Variants in IL2RA observed in about 807,000 individuals in gnomAD.
IL2RA encodes interleukin-2 receptor subunit alpha.
In IL2RA, 24 loss-of-function variants were observed where a neutral mutation model predicts 37.8. That is an observed-to-expected ratio of 0.63 (90% CI 0.46 to 0.89). The LOEUF (loss-of-function observed/expected upper bound fraction) is 0.89, where lower values mean the gene tolerates loss of function less well. Ranked by LOEUF, IL2RA falls within the 40% of genes least tolerant of loss-of-function variation. The probability of loss-of-function intolerance (pLI) is 0.00; values close to 1 mark genes in which losing one functional copy is unlikely to be tolerated. For missense variants in IL2RA, 319 were observed against 348.6 expected, an observed-to-expected ratio of 0.92 and a Z score of 0.68; for synonymous variants, 125 against 114.6, an observed-to-expected ratio of 1.09 and a Z score of -0.58.
rs2132839238 is a variant in IL2RA at position 6,011,761 on chromosome 10, A to T, written c.*1111T>A. 1 of 152,508 alleles carries T rather than the reference A, an allele frequency of 6.6e-6. No individual in the cohort carries two copies. Among genetic ancestry groups the T allele is most frequent in the Middle Eastern group, 3.4e-3 (1 of 298 alleles). 9.4% of individuals were successfully genotyped at this position (152,508 alleles called of 1,614,324 possible). On this transcript the variant is annotated 3_prime_UTR_variant, in exon 8 of 8. Coordinates refer to ENST00000379959, the MANE Select transcript of IL2RA (RefSeq NM_000417.3). The surrounding 1 kb of genome is among the most constrained non-coding windows in gnomAD (Gnocchi z 5.2). ...TTGCTATGCTGCCCAGGCTGGTCTC[A>T]AACTCCTGGCCTCAAGAGATGCTCC... is the stretch of plus-strand genomic sequence containing the variant.
chr10:6,053,935 G>A (rs747930391), intron 1 of IL2RA, among the ~76,000 whole-genome samples: 3 of 152,222 alleles, frequency 2.0e-5, no homozygotes, highest in South Asian at 2.1e-4. Context: ...GAAACGGGGG[G>A]ACATGGGCCA....
chr10:6,019,952 G>A lies in IL2RA; in HGVS notation c.584-11C>T, dbSNP rs750468923. ...GAGGCTTCTCTTCACCTGGGGGAGA[G>A]AGTAAGTGATGCTGGTGGAGCTAAA... is the stretch of plus-strand genomic sequence containing the variant. On this transcript the variant is annotated splice_polypyrimidine_tract_variant and intron_variant, in intron 4 of 7. Transcript: ENST00000379959. 7.3e-5 allele frequency: 117 copies of A among 1,612,062 alleles called. 1 individual carries two copies. In the Middle Eastern group the frequency reaches 1.2e-3, roughly 16 times the overall value.
intron 1 of IL2RA, among the ~76,000 whole-genome samples, chr10:6,037,976 C>T (rs912372948): frequency 3.3e-5 from 5 of 152,250 alleles, no homozygotes; most frequent in African/African-American, 1.2e-4. Flanking sequence ...GAAGTTTAGG[C>T]CGTATAGAAA....
At chr10:6,019,755 G>T in intron 5 of IL2RA, 115 bp downstream of exon 5, 2 of 978,484 alleles carry the variant, frequency 2.0e-6, no homozygotes, top group Non-Finnish European at 3.3e-6. Flanking sequence ...AGAGGAGGCT[G>T]CTGTGGGCTT....
chr10:6,039,856 T>C (rs1488921620), intron 1 of IL2RA: 2 of 152,256 alleles, frequency 1.3e-5, no homozygotes, highest in Non-Finnish European at 2.9e-5. Context: ...CCTCTTGACA[T>C]AGTACCCCTT....
rs1170856847 is a variant in IL2RA, at chr10:6,035,900, A to G, written c.65-9875T>C. The G allele has an allele frequency of 6.6e-6, 1 of 152,292 alleles. No individual in the cohort carries two copies. The highest frequency in any genetic ancestry group is 1.5e-5 in the Non-Finnish European group (1 of 68,098). The allele number at this position is 152,292 out of a possible 1,614,324, so 9.4% of individuals were successfully genotyped here. ...TCCATCATTGTGGCTGAAATACACG[A>G]TCATGGGTGTATCTTTCCTTGTGGA... is the stretch of plus-strand genomic sequence containing the variant. On this transcript the variant is annotated intron_variant, in intron 1 of 7. Transcript: ENST00000379959. This position sits in a 1 kb window ranked among gnomAD's most constrained non-coding sequence, Gnocchi z 5.4.
intron 7 of IL2RA, among the ~76,000 whole-genome samples, chr10:6,016,069 G>C (rs143745600): frequency 1.1e-4 from 16 of 152,312 alleles, no homozygotes; most frequent in Admixed American, 1.0e-3. Context: ...ACATCCCCCA[G>C]AGCTCAGGTG....
In IL2RA at chr10:6,035,283, TG is replaced by T. The variant is rs1334040777; in HGVS notation, c.65-9259del. Among the ~76,000 whole-genome samples, 3 of 152,186 alleles carry T rather than the reference TG, an allele frequency of 2.0e-5. No individual in the cohort carries two copies. Among genetic ancestry groups the T allele is most frequent in the Non-Finnish European group, 4.4e-5 (3 of 68,030 alleles). ...CCGCTAGGGGACTTTCTGTTTGCCC[TG>T]GGTCTCCCTGTGTGGGCAGGGATGG... On this transcript the variant is annotated intron_variant, in intron 1 of 7. Coordinates refer to ENST00000379959, the MANE Select transcript of IL2RA (RefSeq NM_000417.3). This position sits in a 1 kb window ranked among gnomAD's most constrained non-coding sequence, Gnocchi z 5.4.
In IL2RA at chr10:6,010,741, T is replaced by C. The variant is rs549245031; in HGVS notation, c.*2131A>G. The C allele has an allele frequency of 3.2e-4, 48 of 152,298 alleles. No homozygotes were observed. The highest frequency in any genetic ancestry group is 1.1e-3 in the African/African-American group (46 of 41,560). The allele number at this position is 152,298 out of a possible 1,614,324, so 9.4% of individuals were successfully genotyped here. ...ATAAACAATAGCAATAAATTTATTATATGTTAACAGCAGAGTGATGACATC... is the reference window on the plus strand; with the variant it reads ...ATAAACAATAGCAATAAATTTATTACATGTTAACAGCAGAGTGATGACATC... On this transcript the variant is annotated 3_prime_UTR_variant, in exon 8 of 8. Coordinates refer to ENST00000379959, the MANE Select transcript of IL2RA (RefSeq NM_000417.3).
rs1390485363 is a variant in IL2RA at position 6,044,368 on chromosome 10, G to C, written c.64+17720C>G. ...AGAGCAGGGCGACCACATAGGCAGAGAGTAGTAGGTCAGGGCAGTTTTGCA... is the reference window on the plus strand; with the variant it reads ...AGAGCAGGGCGACCACATAGGCAGACAGTAGTAGGTCAGGGCAGTTTTGCA... On this transcript the variant is annotated intron_variant, in intron 1 of 7. Transcript: ENST00000379959. This position sits in a 1 kb window ranked among gnomAD's most constrained non-coding sequence, Gnocchi z 4.5. Among the ~76,000 whole-genome samples, 2 of 152,244 alleles carry C rather than the reference G, an allele frequency of 1.3e-5. No individual in the cohort carries two copies. The highest frequency in any genetic ancestry group is 2.9e-5 in the Non-Finnish European group (2 of 68,042).
rs545571928 is a variant in IL2RA, at chr10:6,033,867, C to T, written c.65-7842G>A. On this transcript the variant is annotated intron_variant, in intron 1 of 7. Coordinates refer to ENST00000379959, the MANE Select transcript of IL2RA (RefSeq NM_000417.3). The surrounding 1 kb of genome is among the most constrained non-coding windows in gnomAD (Gnocchi z 4.3). ...TGTCAAAACTCATCAAATTGTATGC[C>T]GCAGATCTATGCATTTCTTTATAAG... Among the ~76,000 whole-genome samples the T allele has an allele frequency of 2.0e-5, 3 of 152,206 alleles. No homozygotes were observed. In the South Asian group the frequency reaches 6.2e-4, roughly 32 times the overall value.
At chr10:6,051,494 A>AAT (rs34016017) in intron 1 of IL2RA, among the ~76,000 whole-genome samples, 1 of 81,966 alleles carries the variant, frequency 1.2e-5, no homozygotes, top group African/African-American at 4.7e-5. Context: ...AATACACACA[A>AAT]ATATATATAT....
rs1407112593 is a variant in IL2RA at position 6,047,098 on chromosome 10, A to T, written c.64+14990T>A. ...GTCTCTGCATGCTTGCATGGAGAAC[A>T]TGCATTGTCCAAGGACCCTCAAATC... On this transcript the variant is annotated intron_variant, in intron 1 of 7. Transcript: ENST00000379959. The surrounding 1 kb of genome is among the most constrained non-coding windows in gnomAD (Gnocchi z 5.0). Among the ~76,000 whole-genome samples, 1 of 152,230 alleles carries T rather than the reference A, an allele frequency of 6.6e-6. No individual in the cohort carries two copies. Among genetic ancestry groups the T allele is most frequent in the East Asian group, 1.9e-4 (1 of 5,196 alleles).
chr10:6,050,070 G>T (rs1326595069), intron 1 of IL2RA, among the ~76,000 whole-genome samples: 1 of 152,178 alleles, frequency 6.6e-6, no homozygotes, highest in Non-Finnish European at 1.5e-5. Flanking sequence ...GTAGCAAAGT[G>T]CCCCTGAGGC....
At chr10:6,051,541 A>T (rs1839959102) in intron 1 of IL2RA, among the ~76,000 whole-genome samples, 1 of 140,450 alleles carries the variant, frequency 7.1e-6, no homozygotes, top group Admixed American at 7.1e-5. Flanking sequence ...TTTTTTTGAG[A>T]CGGAGTTTCC....
chr10:6,042,148 C>CAGAAAAAAAAAAAA (rs1839781602), intron 1 of IL2RA, among the ~76,000 whole-genome samples: 1 of 54,132 alleles, frequency 1.8e-5, no homozygotes, highest in Non-Finnish European at 3.1e-5. Flanking sequence ...ATGTATTAAG[C>CAGAAAAAAAAAAAA]AAAAAAAAAA....
At chr10:6,023,767 A>C (rs1460340232) in intron 3 of IL2RA, among the ~76,000 whole-genome samples, 1 of 152,262 alleles carries the variant, frequency 6.6e-6, no homozygotes, top group African/African-American at 2.4e-5. Flanking sequence ...TTTGAGACTC[A>C]CAAGTGTGGC....
rs989139960 is a variant in IL2RA at position 6,035,722 on chromosome 10, G to C, written c.65-9697C>G. Among the ~76,000 whole-genome samples, 4 of 152,174 alleles carry C rather than the reference G, an allele frequency of 2.6e-5. No individual in the cohort carries two copies. Among genetic ancestry groups the C allele is most frequent in the Non-Finnish European group, 4.4e-5 (3 of 68,014 alleles). On this transcript the variant is annotated intron_variant, in intron 1 of 7. Coordinates refer to ENST00000379959, the MANE Select transcript of IL2RA (RefSeq NM_000417.3). This position sits in a 1 kb window ranked among gnomAD's most constrained non-coding sequence, Gnocchi z 5.4. ...TGATCATTAATCCTGAAAATGCCGA[G>C]GGCTTTGGCCTGGGACCCACACCAA... is the stretch of plus-strand genomic sequence containing the variant.
rs959786613 is a variant in IL2RA, at chr10:6,054,398, C to A, written c.64+7690G>T. On this transcript the variant is annotated intron_variant, in intron 1 of 7. Transcript: ENST00000379959. The surrounding 1 kb of genome is among the most constrained non-coding windows in gnomAD (Gnocchi z 4.5). Reference sequence around the variant, plus strand: ...GATAAGTGATCAGTGACCCATTGAACCGAGGACGTCTACCGGGGACCAATG... The same window carrying A: ...GATAAGTGATCAGTGACCCATTGAAACGAGGACGTCTACCGGGGACCAATG... Among the ~76,000 whole-genome samples, 5 of 152,170 alleles carry A rather than the reference C, an allele frequency of 3.3e-5. No homozygotes were observed. Among genetic ancestry groups the A allele is most frequent in the African/African-American group, 1.2e-4 (5 of 41,438 alleles).
Sources: allele counts gnomAD v4.1 joint callset (sites outside exome capture counted in the v4.1 genomes callset), GRCh38; gene constraint gnomAD v4.1.1; non-coding constraint Gnocchi (gnomAD v3.1); transcripts MANE v1.5; gene names NCBI Gene and HGNC (gene_info 2026-07-23, HGNC 2026-07-21).